LRRC39: variants seen among roughly 807,000 people sequenced by gnomAD.
LRRC39 encodes leucine-rich repeat-containing protein 39.
Under a neutral mutation model 39.7 loss-of-function variants are expected in LRRC39, and 35 were observed. The ratio of observed to expected loss-of-function variants is 0.88; its 90% CI spans 0.67 to 1.17. The LOEUF (loss-of-function observed/expected upper bound fraction) is 1.17, where lower values mean the gene tolerates loss of function less well. Among genes scored for constraint, LRRC39 ranks in the 50% most tolerant of loss-of-function variants. LRRC39 has a pLI of 0.00. For synonymous variants in LRRC39, 113 were observed against 134.1 expected, an observed-to-expected ratio of 0.84 and a Z score of 1.09; for missense variants, 357 against 385.8, an observed-to-expected ratio of 0.93 and a Z score of 0.62.
At chr1:100,162,755 A>T (rs17122001) in intron 3 of LRRC39, among the ~76,000 whole-genome samples, 36,130 of 152,090 alleles carry the variant, frequency 0.24, 6,432 homozygotes, top group African/African-American at 0.5. Flanking sequence ...AATTTTGAAA[A>T]TTTTAGGCTG....
intron 2 of LRRC39, among the ~76,000 whole-genome samples, chr1:100,170,279 A>G (rs1417845002): frequency 6.6e-6 from 1 of 152,262 alleles, no homozygotes; most frequent in African/African-American, 2.4e-5. Flanking sequence ...AAGATGTGGT[A>G]TATCCATACA....
Position 100,149,111 on chromosome 1 carries a change from A to T in LRRC39, c.953-14T>A. On this transcript the variant is annotated splice_polypyrimidine_tract_variant and intron_variant, in intron 9 of 9. Coordinates refer to ENST00000370137, the MANE Select transcript of LRRC39 (RefSeq NM_144620.4). ...TGACTTGGTGATCTGAAACATACAT[A>T]ACATGTCAACACATAATTAGCGTAT... 1 of 1,593,232 alleles carries T rather than the reference A, an allele frequency of 6.3e-7. No homozygotes were observed.
intron 3 of LRRC39, among the ~76,000 whole-genome samples, chr1:100,163,264 T>A (rs1659009884): frequency 6.6e-6 from 1 of 152,244 alleles, no homozygotes; most frequent in Non-Finnish European, 1.5e-5. Flanking sequence ...AAATTAGGAA[T>A]CTTATCCCTT....
At chr1:100,158,623 A>AGACG (rs1198005012) in intron 5 of LRRC39, among the ~76,000 whole-genome samples, 1 of 152,066 alleles carries the variant, frequency 6.6e-6, no homozygotes, top group African/African-American at 2.4e-5. Context: ...TTTTTAGTAG[A>AGACG]GACGGGGTTT....
intron 1 of LRRC39, among the ~76,000 whole-genome samples, chr1:100,177,408 G>A (rs770714075): frequency 1.3e-5 from 2 of 152,160 alleles, no homozygotes; most frequent in African/African-American, 2.4e-5. Context: ...ACAGAAAAAA[G>A]TTTAAAATTT....
At chr1:100,172,285 G>A (rs558643539) in intron 2 of LRRC39, among the ~76,000 whole-genome samples, 2 of 152,248 alleles carry the variant, frequency 1.3e-5, no homozygotes, top group Admixed American at 6.5e-5. Flanking sequence ...CAAACCCCAA[G>A]AATGGTAATT....
intron 2 of LRRC39, among the ~76,000 whole-genome samples, chr1:100,170,871 C>A (rs921401549): frequency 6.6e-6 from 1 of 152,102 alleles, no homozygotes. Context: ...GCCACCATGT[C>A]TGGCTAATCA....
At chr1:100,168,725 A>C in intron 2 of LRRC39, 131 bp from the exon 3 acceptor site, 1 of 444,134 alleles carries the variant, frequency 2.3e-6, no homozygotes, top group Non-Finnish European at 3.9e-6. Flanking sequence ...ATGCCATATC[A>C]TATTTAAAAA....
rs139653999 is a variant in LRRC39 at position 100,152,854 on chromosome 1, G to A, written c.813-330C>T. On this transcript the variant is annotated intron_variant, in intron 8 of 9. Coordinates refer to ENST00000370137, the MANE Select transcript of LRRC39 (RefSeq NM_144620.4). ...TGATTCTTGTGCTTCAGCCTCCCAA[G>A]TAGCTGGGACTAGAGGTGCACACCA... 2.9e-3 allele frequency among the ~76,000 whole-genome samples: 449 copies of A among 152,268 alleles called. 2 individuals carry two copies. The highest frequency in any genetic ancestry group is 9.8e-3 in the African/African-American group (408 of 41,550).
chr1:100,154,526 TC>T (rs1220562276), intron 8 of LRRC39, among the ~76,000 whole-genome samples: 4 of 152,160 alleles, frequency 2.6e-5, no homozygotes, highest in African/African-American at 9.7e-5. Context: ...CAAGTGACAC[TC>T]CCATCTACCC....
At position 100,149,092 on chromosome 1, in the gene LRRC39, G is replaced by T. The variant is rs765070352; in HGVS notation, c.958C>A (p.Gln320Lys). Residue 320 changes from glutamine to lysine, a missense_variant, in exon 10 of 10, where the codon CAA (glutamine) becomes AAA (lysine). Gln to Lys is a moderately conservative substitution (Grantham distance 53). Transcript: ENST00000370137. The part of the protein sequence containing the change: ...IQESRRRADH[Q>K]VNGSTTLPIS... ...GGTAAAGTAGTTGAACCGTTGACTT[G>T]GTGATCTGAAACATACATAACATGT... 8 of 1,601,182 alleles carry T rather than the reference G, an allele frequency of 5.0e-6. No individual in the cohort carries two copies. The highest frequency in any genetic ancestry group is 6.0e-6 in the Non-Finnish European group (7 of 1,175,822).
intron 2 of LRRC39, among the ~76,000 whole-genome samples, chr1:100,169,994 A>G (rs1659485615): frequency 6.6e-6 from 1 of 152,180 alleles, no homozygotes; most frequent in Admixed American, 6.6e-5. Context: ...TACTTCCCTG[A>G]TGATTAAGTG....
Position 100,158,706 on chromosome 1 carries a change from G to A in LRRC39, c.377-339C>T, listed in dbSNP as rs529251025. On this transcript the variant is annotated intron_variant, in intron 5 of 9. Coordinates refer to ENST00000370137, the MANE Select transcript of LRRC39 (RefSeq NM_144620.4). ...CTGCCTCGGCCTCCTAAAGTGCTGG[G>A]ATTACAGGCGTGAGCCACCGCGCCC... is the stretch of plus-strand genomic sequence containing the variant. Among the ~76,000 whole-genome samples, 1,459 of 152,238 alleles carry A rather than the reference G, an allele frequency of 9.6e-3. 14 individuals carry two copies. Among genetic ancestry groups the A allele is most frequent in the Non-Finnish European group, 0.016 (1,092 of 67,988 alleles).
Position 100,148,726 on chromosome 1 carries a change from C to G in LRRC39, c.*316G>C. On this transcript the variant is annotated 3_prime_UTR_variant, in exon 10 of 10. Transcript: ENST00000370137. ...TTGCAGCAGAAGGGATTCAGTCCTG[C>G]TTTGCAGTACTATACAGACCCTCTG... The G allele has an allele frequency of 6.2e-7, 1 of 1,613,138 alleles. No individual in the cohort carries two copies. The highest frequency in any genetic ancestry group is 8.5e-7 in the Non-Finnish European group (1 of 1,179,654).
intron 1 of LRRC39, among the ~76,000 whole-genome samples, chr1:100,177,584 C>G (rs553071966): frequency 6.6e-6 from 1 of 152,184 alleles, no homozygotes; most frequent in Non-Finnish European, 1.5e-5. Context: ...AACCAATTTA[C>G]AATTTATTGT....
intron 5 of LRRC39, among the ~76,000 whole-genome samples, chr1:100,158,833 G>C (rs1296502781): frequency 6.6e-6 from 1 of 151,048 alleles, no homozygotes; most frequent in African/African-American, 2.4e-5. Flanking sequence ...TTCAAACAAG[G>C]GACAAGTTTA....
At chr1:100,168,287 T>C in intron 3 of LRRC39, 117 bp downstream of exon 3, 1 of 792,160 alleles carries the variant, frequency 1.3e-6, no homozygotes, top group Non-Finnish European at 1.9e-6. Flanking sequence ...ATTTTGAGTT[T>C]TCAGTAAATA....
chr1:100,171,772 T>C (rs1229304835), intron 2 of LRRC39, among the ~76,000 whole-genome samples: 1 of 151,632 alleles, frequency 6.6e-6, no homozygotes, highest in Non-Finnish European at 1.5e-5. Context: ...CCCAAAGTGC[T>C]GAGATTACAG....
At chr1:100,154,981 C>T in intron 8 of LRRC39, 70 bp downstream of exon 8, 1 of 1,374,382 alleles carries the variant, frequency 7.3e-7, no homozygotes, top group Non-Finnish European at 9.8e-7. Flanking sequence ...ATAACAATCT[C>T]TCTACAGTAC....
Sources: allele counts gnomAD v4.1 joint callset (sites outside exome capture counted in the v4.1 genomes callset), GRCh38; gene constraint gnomAD v4.1.1; transcripts MANE v1.5; gene names NCBI Gene and HGNC (gene_info 2026-07-23, HGNC 2026-07-21).